The following COA1 variants were observed in gnomAD, a reference collection of about 807,000 sequenced individuals.
The protein encoded by COA1 is cytochrome c oxidase assembly factor 1 homolog.
A neutral mutation model predicts 16.0 loss-of-function variants in COA1; 13 were observed. The ratio of observed to expected loss-of-function variants is 0.81; its 90% CI spans 0.53 to 1.29. The LOEUF (loss-of-function observed/expected upper bound fraction) is 1.29, where lower values mean the gene tolerates loss of function less well. COA1 is among the 50% of genes most tolerant of loss of function. The pLI, the probability that COA1 is intolerant of heterozygous loss-of-function variation, is 0.00. For missense variants in COA1, 179 were observed against 177.0 expected, an observed-to-expected ratio of 1.01 and a Z score of -0.06; for synonymous variants, 65 against 65.7, an observed-to-expected ratio of 0.99 and a Z score of 0.05.
In COA1 at chr7:43,624,226, A is replaced by G. The variant is rs183473783; in HGVS notation, c.*134-14731T>C. Among the ~76,000 whole-genome samples, 11 of 152,336 alleles carry G rather than the reference A, an allele frequency of 7.2e-5. No individual in the cohort carries two copies. The East Asian group carries it at 1.7e-3, about 24-fold the overall frequency. On this transcript the variant is annotated intron_variant and NMD_transcript_variant, in intron 6 of 6. Transcript: ENST00000415076. Reference sequence around the variant, plus strand: ...TAATTCATGGTTAGTAGAAATTGACAGTGAAATGACAGCTAATCTCTAGCA... The same window carrying G: ...TAATTCATGGTTAGTAGAAATTGACGGTGAAATGACAGCTAATCTCTAGCA...
chr7:43,689,068 A>G (rs2094163296), intron 1 of COA1, among the ~76,000 whole-genome samples: 1 of 152,234 alleles, frequency 6.6e-6, no homozygotes, highest in African/African-American at 2.4e-5. Context: ...TCAGTTCATC[A>G]TAATTTAACT....
chr7:43,621,463 T>G (rs1243203019), intron 6 of COA1, among the ~76,000 whole-genome samples: 1 of 152,074 alleles, frequency 6.6e-6, no homozygotes, highest in African/African-American at 2.4e-5. Context: ...GAGGTGGGTT[T>G]TTGTTTTGTT....
chr7:43,620,662 A>C (rs1338428442), intron 6 of COA1, among the ~76,000 whole-genome samples: 1 of 145,868 alleles, frequency 6.9e-6, no homozygotes, highest in East Asian at 2.0e-4. Flanking sequence ...CGACAGAGTG[A>C]GACTCCGTCT....
At chr7:43,710,422 T>C (rs1420800062) in intron 1 of COA1, among the ~76,000 whole-genome samples, 1 of 144,330 alleles carries the variant, frequency 6.9e-6, no homozygotes, top group African/African-American at 2.5e-5. Flanking sequence ...AAACAGTTGA[T>C]TTATTAATAG....
intron 6 of COA1, among the ~76,000 whole-genome samples, chr7:43,619,294 C>T (rs1430652686): frequency 1.3e-5 from 2 of 152,114 alleles, no homozygotes; most frequent in Non-Finnish European, 2.9e-5. Flanking sequence ...ATAGTAGGAG[C>T]AAGCGTGCTG....
intron 6 of COA1, chr7:43,622,891 CAG>C (rs796633054): frequency 2.0e-5 from 3 of 152,328 alleles, no homozygotes; most frequent in African/African-American, 7.2e-5. Flanking sequence ...TTTGTAGAGA[CAG>C]AGTCTCATTA....
intron 1 of COA1, among the ~76,000 whole-genome samples, chr7:43,675,555 C>T (rs2093475822): frequency 6.6e-6 from 1 of 151,934 alleles, no homozygotes; most frequent in Non-Finnish European, 1.5e-5. Context: ...ACATATGTAA[C>T]AAACCTGCAC....
intron 1 of COA1, among the ~76,000 whole-genome samples, chr7:43,694,265 A>C (rs2094463452): frequency 6.6e-6 from 1 of 151,538 alleles, no homozygotes; most frequent in Non-Finnish European, 1.5e-5. Context: ...CTTTAAAAAA[A>C]AAAAAAAGCA....
chr7:43,658,974 T>C (rs1443643706), intron 1 of COA1: 2 of 152,350 alleles, frequency 1.3e-5, no homozygotes, highest in African/African-American at 4.8e-5. Flanking sequence ...AGTCTGGATT[T>C]TACTCAAAGT....
intron 6 of COA1, among the ~76,000 whole-genome samples, chr7:43,615,413 A>T (rs1206242932): frequency 7.9e-5 from 12 of 151,902 alleles, no homozygotes; most frequent in Admixed American, 7.9e-4. Context: ...CTAAGCTCAA[A>T]CAATCCACTC....
chr7:43,655,615 T>C (rs1175793374), intron 1 of COA1, among the ~76,000 whole-genome samples: 1 of 152,162 alleles, frequency 6.6e-6, no homozygotes, highest in Admixed American at 6.5e-5. Context: ...TGAGCTGAGA[T>C]TGCGCCACTG....
At chr7:43,728,548 T>C (rs1024953359) in intron 1 of COA1, among the ~76,000 whole-genome samples, 1 of 152,208 alleles carries the variant, frequency 6.6e-6, no homozygotes, top group Non-Finnish European at 1.5e-5. Context: ...CCTGCAGGTG[T>C]GTTTTCCATG....
chr7:43,622,712 T>G (rs115665767), intron 6 of COA1: 22,456 of 151,730 alleles, frequency 0.15, 2,188 homozygotes, highest in Non-Finnish European at 0.21. Flanking sequence ...TTTGTTTTTT[T>G]TTTTGTGAGA....
chr7:43,693,501 C>CT (rs1222589610), intron 1 of COA1, among the ~76,000 whole-genome samples: 1 of 152,148 alleles, frequency 6.6e-6, no homozygotes, highest in African/African-American at 2.4e-5. Context: ...TTACCAATAG[C>CT]TGACACCCTC....
At chr7:43,624,982 G>A in intron 6 of COA1, 1 of 748,812 alleles carries the variant, frequency 1.3e-6, no homozygotes, top group Non-Finnish European at 2.0e-6. Flanking sequence ...TGTCAAATTT[G>A]TGGAGTTAGG....
intron 1 of COA1, among the ~76,000 whole-genome samples, chr7:43,684,713 G>A (rs994532010): frequency 6.6e-6 from 1 of 152,136 alleles, no homozygotes; most frequent in African/African-American, 2.4e-5. Flanking sequence ...GATTCACAGT[G>A]CATGCTCTTA....
At chr7:43,674,009 A>G (rs2093397094) in intron 1 of COA1, among the ~76,000 whole-genome samples, 2 of 152,214 alleles carry the variant, frequency 1.3e-5, no homozygotes, top group Admixed American at 6.5e-5. Context: ...GGAGGGAGGG[A>G]GGGAGGAAGG....
chr7:43,641,229 C>T (rs2086974569), intron 4 of COA1, among the ~76,000 whole-genome samples: 1 of 149,064 alleles, frequency 6.7e-6, no homozygotes, highest in Non-Finnish European at 1.5e-5. Flanking sequence ...TAGATAACGG[C>T]TTGAGTGACA....
At chr7:43,618,297 T>A (rs1225347573) in intron 6 of COA1, among the ~76,000 whole-genome samples, 1 of 152,030 alleles carries the variant, frequency 6.6e-6, no homozygotes, top group Admixed American at 6.6e-5. Flanking sequence ...CCATCATGCA[T>A]GGAATGAGGG....
Sources: allele counts gnomAD v4.1 joint callset (sites outside exome capture counted in the v4.1 genomes callset), GRCh38; gene constraint gnomAD v4.1.1; transcripts MANE v1.5; gene names NCBI Gene and HGNC (gene_info 2026-07-23, HGNC 2026-07-21).